PCDHGA7: variants seen among roughly 807,000 people sequenced by gnomAD.
PCDHGA7 encodes the protein protocadherin gamma-A7.
PCDHGA7 carries 44 observed loss-of-function variants against 58.3 expected under a neutral mutation model. The ratio of observed to expected loss-of-function variants is 0.75; its 90% CI spans 0.59 to 0.97. PCDHGA7 has a LOEUF of 0.97. Ranked by LOEUF, PCDHGA7 falls within the 50% of genes least tolerant of loss-of-function variation. PCDHGA7 has a pLI of 0.00. For synonymous variants in PCDHGA7, 516 were observed against 504.2 expected (o/e 1.02, Z -0.31); for missense variants, 1,266 against 1,188.7 (o/e 1.06, Z -0.96).
intron 1 of PCDHGA7, among the ~76,000 whole-genome samples, chr5:141,406,301 A>C (rs1447923303): frequency 6.6e-6 from 1 of 151,966 alleles, no homozygotes; most frequent in Non-Finnish European, 1.5e-5. Context: ...TGAGGTGTGA[A>C]CCACCTCACC....
At chr5:141,405,232 C>T (rs779259588) in intron 1 of PCDHGA7, 8 of 1,613,990 alleles carry the variant, frequency 5.0e-6, no homozygotes, top group Middle Eastern at 1.6e-4. Flanking sequence ...TCTCCCTCAC[C>T]GCTGACTCAA....
In PCDHGA7 at chr5:141,427,967, G is replaced by A. The variant is rs535332244; in HGVS notation, c.2424+42644G>A. On this transcript the variant is annotated intron_variant, in intron 1 of 3. Coordinates refer to ENST00000518325, the MANE Select transcript of PCDHGA7 (RefSeq NM_018920.4). The stretch of plus-strand genomic sequence containing the variant: ...TCAATGACAATGTGCCGCGGGTGCT[G>A]TACCCCGCGCTGGGGCCCGATGGCT... 10 of 1,591,190 alleles carry A rather than the reference G, an allele frequency of 6.3e-6. No individual in the cohort carries two copies. In the East Asian group the frequency reaches 8.9e-5, roughly 14 times the overall value.
intron 1 of PCDHGA7, chr5:141,388,229 C>A (rs1041340259): frequency 1.7e-5 from 27 of 1,606,864 alleles, no homozygotes; most frequent in Non-Finnish European, 2.2e-5. Context: ...ATCCACTGAA[C>A]TTTTATCACG....
chr5:141,507,113 C>G (rs1401559943), intron 3 of PCDHGA7: 1 of 152,220 alleles, frequency 6.6e-6, no homozygotes, highest in Non-Finnish European at 1.5e-5. Context: ...GGGACCATGG[C>G]TGCCTTTGGA....
In PCDHGA7 at chr5:141,409,485, G is replaced by A. The variant is rs374642418; in HGVS notation, c.2424+24162G>A. On this transcript the variant is annotated intron_variant, in intron 1 of 3. Coordinates refer to ENST00000518325, the MANE Select transcript of PCDHGA7 (RefSeq NM_018920.4). ...GTCACCATCGTAGCCACTGACAGGG[G>A]CAAGCCGCCTCTTTCTTCCAGTAGA... 9.9e-6 allele frequency: 16 copies of A among 1,613,856 alleles called. No homozygotes were observed. Among genetic ancestry groups the A allele is most frequent in the African/African-American group, 9.3e-5 (7 of 74,934 alleles).
Position 141,485,113 on chromosome 5 carries a change from T to G in PCDHGA7, c.2425-9694T>G. On this transcript the variant is annotated intron_variant, in intron 1 of 3. Transcript: ENST00000518325. This position sits in a 1 kb window ranked among gnomAD's most constrained non-coding sequence, Gnocchi z 5.7. ...AGGTGTCTCCAGCTGCTGTGGCTGTTTGGGGCGGGTCGGCTTCATCCGCGT... is the reference window on the plus strand; with the variant it reads ...AGGTGTCTCCAGCTGCTGTGGCTGTGTGGGGCGGGTCGGCTTCATCCGCGT... 1 of 1,286,014 alleles carries G rather than the reference T, an allele frequency of 7.8e-7. No individual in the cohort carries two copies. Among genetic ancestry groups the G allele is most frequent in the Non-Finnish European group, 1.1e-6 (1 of 898,642 alleles). 79.7% of individuals were successfully genotyped at this position (1,286,014 alleles called of 1,614,324 possible). A position where few individuals can be genotyped will look rare whatever the true frequency, so the allele number is the denominator to read the frequency against.
chr5:141,449,098 G>A (rs1314761371), intron 1 of PCDHGA7, among the ~76,000 whole-genome samples: 1 of 152,140 alleles, frequency 6.6e-6, no homozygotes, highest in Admixed American at 6.5e-5. Context: ...TTTTACATAT[G>A]CAGTATATCT....
intron 1 of PCDHGA7, chr5:141,402,978 T>C (rs746626227): frequency 2.5e-6 from 4 of 1,608,452 alleles, no homozygotes; most frequent in Non-Finnish European, 3.4e-6. Context: ...AAATGCCAGC[T>C]CCGCGGAAGA....
rs2099710385 is a variant in PCDHGA7 at position 141,491,296 on chromosome 5, G to A, written c.2425-3511G>A. 6.2e-7 allele frequency: 1 copy of A among 1,614,034 alleles called. No individual in the cohort carries two copies. Among genetic ancestry groups the A allele is most frequent in the African/African-American group, 1.3e-5 (1 of 74,924 alleles). Reference sequence around the variant, plus strand: ...CAGTGACTTCCTCATACACCCTCCTGAGCGTTCAGACCTTACCCTTTACCT... The same window carrying A: ...CAGTGACTTCCTCATACACCCTCCTAAGCGTTCAGACCTTACCCTTTACCT... On this transcript the variant is annotated intron_variant, in intron 1 of 3. Transcript: ENST00000518325. The surrounding 1 kb of genome is among the most constrained non-coding windows in gnomAD (Gnocchi z 6.9).
chr5:141,510,359 T>A (rs1229932307), intron 3 of PCDHGA7, among the ~76,000 whole-genome samples: 3 of 143,318 alleles, frequency 2.1e-5, no homozygotes, highest in African/African-American at 7.7e-5. Flanking sequence ...CTAACGGAAC[T>A]ACCGAATCTC....
intron 1 of PCDHGA7, chr5:141,412,149 C>G (rs1369304212): frequency 2.0e-5 from 3 of 152,146 alleles, no homozygotes; most frequent in African/African-American, 7.2e-5. Flanking sequence ...TACAAACTGC[C>G]TAAGAGAAGA....
At chr5:141,392,771 A>G in intron 1 of PCDHGA7, 1 of 1,514,130 alleles carries the variant, frequency 6.6e-7, no homozygotes, top group Non-Finnish European at 8.8e-7. Flanking sequence ...AGACCCATTT[A>G]TGCACAGTGA....
At chr5:141,399,910 G>T in intron 1 of PCDHGA7, 1 of 1,612,438 alleles carries the variant, frequency 6.2e-7, no homozygotes, top group Non-Finnish European at 8.5e-7. Context: ...CGCAGACTCA[G>T]GACACAACGC....
rs764957747 is a variant in PCDHGA7, at chr5:141,505,453, G to A, written c.2544G>A (p.Leu848=). Residue 848 remains leucine (L), a synonymous_variant, in exon 3 of 4, where the codon CTG becomes CTA. Coordinates refer to ENST00000518325, the MANE Select transcript of PCDHGA7 (RefSeq NM_018920.4). ...ACAACCAGTTTGACACAGAGATGCT[G>A]CAAGCCATGATCTTGGCGTCCGCCA... ...WPNNQFDTEM[L]QAMILASASE... 3 of 1,614,190 alleles carry A rather than the reference G, an allele frequency of 1.9e-6. No individual in the cohort carries two copies. Among genetic ancestry groups the A allele is most frequent in the Non-Finnish European group, 2.5e-6 (3 of 1,180,012 alleles).
chr5:141,423,078 C>A (rs752144906), intron 1 of PCDHGA7: 1 of 1,613,990 alleles, frequency 6.2e-7, no homozygotes, highest in Admixed American at 1.7e-5. Context: ...AGCCGGGACT[C>A]TTCGCGGTGG....
chr5:141,446,482 C>A (rs961785845), intron 1 of PCDHGA7, among the ~76,000 whole-genome samples: 2 of 146,988 alleles, frequency 1.4e-5, no homozygotes, highest in Non-Finnish European at 3.0e-5. Flanking sequence ...GGTCATCATT[C>A]TTTTTTTTTT....
intron 1 of PCDHGA7, chr5:141,395,524 T>A: frequency 2.5e-6 from 1 of 392,376 alleles, no homozygotes; most frequent in Non-Finnish European, 4.5e-6. Flanking sequence ...CCGTCCATAC[T>A]GGTAATTTTG....
chr5:141,423,626 T>C (rs745796529), intron 1 of PCDHGA7: 1 of 1,606,498 alleles, frequency 6.2e-7, no homozygotes, highest in South Asian at 1.1e-5. Context: ...GACTCAGCTA[T>C]CATTTTAGGC....
intron 3 of PCDHGA7, among the ~76,000 whole-genome samples, chr5:141,506,923 C>G: frequency 6.6e-6 from 1 of 152,184 alleles, no homozygotes; most frequent in African/African-American, 2.4e-5. Flanking sequence ...ACATACTAAA[C>G]AAACTTTAGG....
Sources: allele counts gnomAD v4.1 joint callset (sites outside exome capture counted in the v4.1 genomes callset), GRCh38; gene constraint gnomAD v4.1.1; non-coding constraint Gnocchi (gnomAD v3.1); transcripts MANE v1.5; gene names NCBI Gene and HGNC (gene_info 2026-07-23, HGNC 2026-07-21).